The following NCAM2 variants were observed in gnomAD, a reference collection of about 807,000 sequenced individuals.
NCAM2 encodes the protein neural cell adhesion molecule 2, also known as N-CAM-2.
A neutral mutation model predicts 98.1 loss-of-function variants in NCAM2; 30 were observed. That is an observed-to-expected ratio of 0.31 (90% CI 0.23 to 0.41). The LOEUF (loss-of-function observed/expected upper bound fraction) is 0.41. Ranked by LOEUF, NCAM2 falls within the 10% of genes least tolerant of loss-of-function variation. The pLI is 1.00. For missense variants in NCAM2, 867 were observed against 1,005.8 expected (o/e 0.86, Z 1.87); for synonymous variants, 368 against 342.4 (o/e 1.07, Z -0.83).
At chr21:21,415,968 T>C (rs1253306781) in intron 10 of NCAM2, among the ~76,000 whole-genome samples, 1 of 152,202 alleles carries the variant, frequency 6.6e-6, no homozygotes, top group Middle Eastern at 3.2e-3. Context: ...GTACTTTAGA[T>C]TTTTTTCAGG....
At position 21,173,950 on chromosome 21, in the gene NCAM2, T is replaced by A. The variant is rs1375864811; in HGVS notation, c.56-106628T>A. ...AAAACCTGTTTTTTTTGAGATGGAG[T>A]TTTGCTCTTGTCACCCAGGCTGGAG... On this transcript the variant is annotated intron_variant, in intron 1 of 17. Coordinates refer to ENST00000400546, the MANE Select transcript of NCAM2 (RefSeq NM_004540.5). Among the ~76,000 whole-genome samples, 6 of 151,570 alleles carry A rather than the reference T, an allele frequency of 4.0e-5. No individual in the cohort carries two copies. The East Asian group carries it at 1.2e-3, about 29-fold the overall frequency.
intron 15 of NCAM2, among the ~76,000 whole-genome samples, chr21:21,496,043 A>AAAGTACATATATATAT (rs1199919993): frequency 1.3e-5 from 2 of 149,634 alleles, no homozygotes; most frequent in Admixed American, 6.7e-5. Flanking sequence ...ATATGAAAAC[A>AAAGTACATATATATAT]TGCCCTTTAA....
intron 8 of NCAM2, among the ~76,000 whole-genome samples, chr21:21,367,294 A>T (rs1361516495): frequency 6.6e-6 from 1 of 151,972 alleles, no homozygotes; most frequent in Non-Finnish European, 1.5e-5. Context: ...GATATATTAC[A>T]TGCTGGTGAA....
intron 1 of NCAM2, among the ~76,000 whole-genome samples, chr21:21,205,718 A>G (rs576154677): frequency 6.6e-6 from 1 of 152,178 alleles, no homozygotes; most frequent in Non-Finnish European, 1.5e-5. Context: ...AGAAAATACC[A>G]TAGACTGAGG....
At chr21:21,091,787 A>G (rs879346365) in intron 1 of NCAM2, among the ~76,000 whole-genome samples, 5 of 152,212 alleles carry the variant, frequency 3.3e-5, no homozygotes, top group Admixed American at 2.0e-4. Flanking sequence ...ATCTTAAAAT[A>G]TAGAATGTAA....
chr21:21,478,789 G>A (rs956552318), intron 15 of NCAM2, among the ~76,000 whole-genome samples: 3 of 152,090 alleles, frequency 2.0e-5, no homozygotes, highest in African/African-American at 4.8e-5. Flanking sequence ...GGATAAGGAA[G>A]CATTATTCTC....
intron 9 of NCAM2, among the ~76,000 whole-genome samples, chr21:21,389,936 A>G (rs569556891): frequency 2.0e-5 from 3 of 152,024 alleles, no homozygotes; most frequent in African/African-American, 7.2e-5. Flanking sequence ...TGCAACCTCC[A>G]CCTCTCCGGT....
intron 1 of NCAM2, among the ~76,000 whole-genome samples, chr21:21,122,975 T>C (rs138375057): frequency 6.6e-6 from 1 of 152,334 alleles, no homozygotes; most frequent in East Asian, 1.9e-4. Flanking sequence ...AGCTGACTTC[T>C]TCCTTATTGA....
At chr21:21,361,930 G>A (rs1447849384) in intron 8 of NCAM2, among the ~76,000 whole-genome samples, 1 of 151,970 alleles carries the variant, frequency 6.6e-6, no homozygotes, top group Non-Finnish European at 1.5e-5. Flanking sequence ...AGACATACAC[G>A]TACAGGTTTG....
chr21:21,449,915 T>C (rs1980769339), intron 12 of NCAM2, among the ~76,000 whole-genome samples: 1 of 152,100 alleles, frequency 6.6e-6, no homozygotes, highest in African/African-American at 2.4e-5. Context: ...ATATTATTAA[T>C]TTTTCTTATT....
intron 1 of NCAM2, among the ~76,000 whole-genome samples, chr21:21,265,202 ATGTG>A (rs1170343326): frequency 1.6e-5 from 2 of 123,372 alleles, no homozygotes; most frequent in Admixed American, 9.2e-5. Flanking sequence ...GTGTGTATGT[ATGTG>A]TGTATATAGT....
intron 8 of NCAM2, among the ~76,000 whole-genome samples, chr21:21,353,220 AT>A (rs1332734624): frequency 6.6e-6 from 1 of 152,220 alleles, no homozygotes; most frequent in African/African-American, 2.4e-5. Context: ...AAGAGACTAG[AT>A]AAAAATTTTT....
At chr21:21,325,752 C>CT (rs996033719) in intron 6 of NCAM2, among the ~76,000 whole-genome samples, 9 of 152,074 alleles carry the variant, frequency 5.9e-5, no homozygotes, top group African/African-American at 1.9e-4. Flanking sequence ...ACAGAGATTT[C>CT]TTTTTTCTTA....
chr21:21,086,506 G>A (rs1209114308), intron 1 of NCAM2, among the ~76,000 whole-genome samples: 1 of 152,098 alleles, frequency 6.6e-6, no homozygotes, highest in Non-Finnish European at 1.5e-5. Flanking sequence ...AGCATACATG[G>A]TCAGAGAAAG....
At chr21:21,315,200 C>T (rs576789247) in intron 5 of NCAM2, among the ~76,000 whole-genome samples, 26 of 152,232 alleles carry the variant, frequency 1.7e-4, no homozygotes, top group African/African-American at 5.5e-4. Context: ...TGCATGTGTA[C>T]CAATGGCCAT....
At chr21:21,129,922 T>C (rs1268492362) in intron 1 of NCAM2, among the ~76,000 whole-genome samples, 2 of 152,198 alleles carry the variant, frequency 1.3e-5, no homozygotes, top group Non-Finnish European at 2.9e-5. Context: ...AAAATGCACC[T>C]ATTGAATAAG....
intron 5 of NCAM2, among the ~76,000 whole-genome samples, chr21:21,322,527 A>G (rs75359514): frequency 0.013 from 1,936 of 152,288 alleles, 44 homozygotes; most frequent in African/African-American, 0.045. Context: ...CTGCTAGGTG[A>G]AAAATCTATG....
intron 8 of NCAM2, among the ~76,000 whole-genome samples, chr21:21,355,536 GGGAGAGAGGGAGGGAC>G (rs201789686): frequency 0.017 from 2,287 of 136,690 alleles, 62 homozygotes; most frequent in East Asian, 0.15. Flanking sequence ...GAGGGAGGGA[GGGAGAGAGGGAGGGAC>G]GGAGGAAAGA....
chr21:21,263,060 A>T (rs1017861498), intron 1 of NCAM2, among the ~76,000 whole-genome samples: 1 of 152,116 alleles, frequency 6.6e-6, no homozygotes, highest in African/African-American at 2.4e-5. Flanking sequence ...CCATATTATC[A>T]AATTATCCCT....
Sources: gnomAD v4.1 joint callset for allele counts (sites outside exome capture counted in the v4.1 genomes callset) on GRCh38, gnomAD v4.1.1 for gene constraint, MANE v1.5 for transcripts, NCBI Gene and HGNC (gene_info 2026-07-23, HGNC 2026-07-21) for gene names.